The following OS9 variants were observed in gnomAD, a reference collection of about 807,000 sequenced individuals.
The protein encoded by OS9 is OS9 endoplasmic reticulum lectin, also known as protein OS-9.
Under a neutral mutation model 84.7 loss-of-function variants are expected in OS9, and 58 were observed. That is an observed-to-expected ratio of 0.68 (90% confidence interval 0.55 to 0.85). The LOEUF is 0.85. OS9 is among the 40% of genes least tolerant of loss of function. The pLI is 0.00. For synonymous variants in OS9, 278 were observed against 320.8 expected, an observed-to-expected ratio of 0.87 and a Z score of 1.43; for missense variants, 760 against 850.9, an observed-to-expected ratio of 0.89 and a Z score of 1.33.
intron 5 of OS9, among the ~76,000 whole-genome samples, chr12:57,703,108 T>C (rs1438228884): frequency 6.6e-6 from 1 of 152,154 alleles, no homozygotes; most frequent in Non-Finnish European, 1.5e-5. Context: ...CAGGCTGGAG[T>C]GTAATGGCGC....
Position 57,721,134 on chromosome 12 carries a change from G to T in OS9, c.*225G>T. 1.9e-6 allele frequency: 1 copy of T among 515,750 alleles called. No homozygotes were observed. The highest frequency in any genetic ancestry group is 3.3e-5 in the Admixed American group (1 of 30,020). 31.9% of individuals were successfully genotyped at this position (515,750 alleles called of 1,614,324 possible). On this transcript the variant is annotated 3_prime_UTR_variant, in exon 15 of 15. Transcript: ENST00000315970. Reference sequence around the variant, plus strand: ...CCGGGCCTGTGATATTTGCTCTCCTGAACTCTCACTCAATCCTCTTCCTCT... The same window carrying T: ...CCGGGCCTGTGATATTTGCTCTCCTTAACTCTCACTCAATCCTCTTCCTCT...
chr12:57,703,646 T>A (rs1954084814), intron 5 of OS9, among the ~76,000 whole-genome samples: 1 of 152,202 alleles, frequency 6.6e-6, no homozygotes. Flanking sequence ...ACTGTTTTGA[T>A]TATAGTAGCT....
chr12:57,706,270 T>C (rs1233925118), intron 5 of OS9, among the ~76,000 whole-genome samples: 2 of 152,156 alleles, frequency 1.3e-5, no homozygotes, highest in East Asian at 3.8e-4. Flanking sequence ...GTCATATGGT[T>C]TTTTTAATAT....
chr12:57,712,993 C>T (rs1251820372), intron 5 of OS9, among the ~76,000 whole-genome samples: 2 of 152,098 alleles, frequency 1.3e-5, no homozygotes, highest in African/African-American at 4.8e-5. Context: ...ATAAGTTGTT[C>T]CATAGTTTAG....
rs201816375 is a variant in OS9 at position 57,720,821 on chromosome 12, G to A, written c.1916G>A (p.Arg639Gln). 32 of 1,613,624 alleles carry A rather than the reference G, an allele frequency of 2.0e-5. No homozygotes were observed. Among genetic ancestry groups the A allele is most frequent in the African/African-American group, 2.7e-5 (2 of 75,066 alleles). The change falls in exon 15 of 15, where the codon CGG (arginine) becomes CAG (glutamine). Residue 639 changes from arginine to glutamine, a missense_variant. Arg to Gln is a conservative substitution (Grantham distance 43). Coordinates refer to ENST00000315970, the MANE Select transcript of OS9 (RefSeq NM_006812.4). ...GAEEAQKERQ[R>Q]QKELESNYRR... Reference sequence around the variant, plus strand: ...GAAGAGGCCCAGAAGGAACGCCAGCGGCAGAAAGAGCTGGAGAGCAATTAC... The same window carrying A: ...GAAGAGGCCCAGAAGGAACGCCAGCAGCAGAAAGAGCTGGAGAGCAATTAC...
intron 10 of OS9, 33 bp downstream of exon 10, chr12:57,717,991 C>A: frequency 6.4e-7 from 1 of 1,570,838 alleles, no homozygotes; most frequent in South Asian, 1.2e-5. Flanking sequence ...GGGTAGAACC[C>A]ACCTCCCAAC....
In OS9 at chr12:57,695,983, TC is replaced by T; in HGVS notation, c.427del (p.Leu143SerfsTer78). The T allele has an allele frequency of 6.2e-7, 1 of 1,613,222 alleles. No homozygotes were observed. Among genetic ancestry groups the T allele is most frequent in the South Asian group, 1.1e-5 (1 of 91,060 alleles). ...HMEDSEIKGE[V>X]LYLGYYQSAF... ...GCAGATTCAGAGATCAAAGGTGAAG[TC>T]CTCTATCTCGGCTACTACCAATCAG... On this transcript the variant is annotated frameshift_variant, in exon 4 of 15. Coordinates refer to ENST00000315970, the MANE Select transcript of OS9 (RefSeq NM_006812.4). LOFTEE classifies it high-confidence loss of function.
chr12:57,694,392 C>A, intron 1 of OS9, 69 bp downstream of exon 1: 1 of 1,527,986 alleles, frequency 6.5e-7, no homozygotes, highest in Non-Finnish European at 9.0e-7. Context: ...GGAAGAAGGG[C>A]AGCTCCGGAG....
rs936872125 is a variant in OS9, at chr12:57,719,954, AT to A, written c.1601-138del. 101 of 751,774 alleles carry A rather than the reference AT, an allele frequency of 1.3e-4. No individual in the cohort carries two copies. The East Asian group carries it at 2.1e-3, about 16-fold the overall frequency. 46.6% of individuals were successfully genotyped at this position (751,774 alleles called of 1,614,324 possible). A position where few individuals can be genotyped will look rare whatever the true frequency, so the allele number is the denominator to read the frequency against. On this transcript the variant is annotated intron_variant, in intron 12 of 14. Transcript: ENST00000315970. ...CTGAACTGGGAGGGGCGGGGCACACATTTTTTTGAGCCCTGGCTCATATACA... is the reference window on the plus strand; with the variant it reads ...CTGAACTGGGAGGGGCGGGGCACACATTTTTTGAGCCCTGGCTCATATACA...
In OS9 at chr12:57,694,937, C is replaced by G; in HGVS notation, c.339+11C>G. 1 of 1,612,628 alleles carries G rather than the reference C, an allele frequency of 6.2e-7. No individual in the cohort carries two copies. The highest frequency in any genetic ancestry group is 8.5e-7 in the Non-Finnish European group (1 of 1,178,718). On this transcript the variant is annotated intron_variant, in intron 2 of 14. Transcript: ENST00000315970. ...CCCTGCTTGCTGAAGGTGAAAGGGA[C>G]TGGGTTAGATAGAATGAGGGCTTGG...
chr12:57,709,445 G>A (rs1954265865), intron 5 of OS9, among the ~76,000 whole-genome samples: 1 of 152,114 alleles, frequency 6.6e-6, no homozygotes, highest in Non-Finnish European at 1.5e-5. Flanking sequence ...GTTTTGCTTT[G>A]TTGTTTTTAT....
Position 57,696,327 on chromosome 12 carries a change from G to C in OS9, c.533G>C (p.Gly178Ala). 6.2e-7 allele frequency: 1 copy of C among 1,613,760 alleles called. No homozygotes were observed. Among genetic ancestry groups the C allele is most frequent in the African/African-American group, 1.3e-5 (1 of 75,012 alleles). The stretch of plus-strand genomic sequence containing the variant: ...TACCACAGCCAGACCTATGGCAATG[G>C]GTCCAAGTGCGACCTTAATGGGAGG... ...KRYHSQTYGN[G>A]SKCDLNGRPR... Residue 178 changes from glycine to alanine, a missense_variant, in exon 5 of 15, where the codon GGG becomes GCG. Gly to Ala is a moderately conservative substitution (Grantham distance 60). Coordinates refer to ENST00000315970, the MANE Select transcript of OS9 (RefSeq NM_006812.4).
chr12:57,720,722 C>G, intron 14 of OS9, 62 bp from the exon 15 acceptor site: 1 of 1,550,208 alleles, frequency 6.5e-7, no homozygotes, highest in South Asian at 1.2e-5. Context: ...AGCTGCCTGG[C>G]CCAGGACTTC....
chr12:57,711,316 A>AT (rs1954323593), intron 5 of OS9, among the ~76,000 whole-genome samples: 1 of 144,490 alleles, frequency 6.9e-6, no homozygotes, highest in Non-Finnish European at 1.5e-5. Context: ...AACCTTAGAG[A>AT]GATCTTTCAA....
chr12:57,702,518 GAAT>G (rs1954056336), intron 5 of OS9, among the ~76,000 whole-genome samples: 1 of 152,212 alleles, frequency 6.6e-6, no homozygotes, highest in Admixed American at 6.5e-5. Context: ...TGGTTACTGT[GAAT>G]AATGCTGCGA....
intron 5 of OS9, among the ~76,000 whole-genome samples, chr12:57,707,679 G>A (rs542423178): frequency 6.6e-5 from 10 of 152,240 alleles, no homozygotes; most frequent in South Asian, 2.1e-4. Context: ...GATTACAGGC[G>A]TGAGCCACCG....
chr12:57,716,794 A>C, intron 9 of OS9, 50 bp downstream of exon 9: 1 of 1,547,660 alleles, frequency 6.5e-7, no homozygotes. Context: ...TAGGATTGGC[A>C]GGGGTAGGGA....
intron 5 of OS9, among the ~76,000 whole-genome samples, chr12:57,705,398 C>T (rs1954137350): frequency 6.6e-6 from 1 of 152,156 alleles, no homozygotes; most frequent in Non-Finnish European, 1.5e-5. Flanking sequence ...AGTTCTTCTA[C>T]ATCTTATGTG....
Position 57,720,334 on chromosome 12 carries a change from C to G in OS9, c.1765+71C>G, listed in dbSNP as rs1403304976. ...GCTGCCGGAAGTGGAGGGGCTGGGA[C>G]CAGTGGGGCAGGGGGCCTGCCCTGA... On this transcript the variant is annotated intron_variant, in intron 13 of 14. Transcript: ENST00000315970. 8.1e-6 allele frequency: 13 copies of G among 1,604,210 alleles called. No individual in the cohort carries two copies. In the African/African-American group the frequency reaches 1.1e-4, roughly 13 times the overall value.
Sources: gnomAD v4.1 joint callset for allele counts (sites outside exome capture counted in the v4.1 genomes callset) on GRCh38, gnomAD v4.1.1 for gene constraint, MANE v1.5 for transcripts, NCBI Gene and HGNC (gene_info 2026-07-23, HGNC 2026-07-21) for gene names.